Variants in ZNF778 observed in about 807,000 individuals in gnomAD.
The protein encoded by ZNF778 is zinc finger protein 778.
A neutral mutation model predicts 23.9 loss-of-function variants in ZNF778; 37 were observed. That is an observed-to-expected ratio of 1.54 (90% CI 1.19 to 2.03). ZNF778 has a LOEUF of 2.03. ZNF778 is among the 30% of genes most tolerant of loss of function. The probability of loss-of-function intolerance (pLI) is 0.00; values close to 1 mark genes in which losing one functional copy is unlikely to be tolerated. For missense variants in ZNF778, 1,297 were observed against 934.4 expected (o/e 1.39, Z -5.06); for synonymous variants, 483 against 343.9 (o/e 1.40, Z -4.48).
Position 89,227,122 on chromosome 16 carries a change from G to A in ZNF778, c.834G>A (p.Arg278=). Reference sequence around the variant, plus strand: ...CACCTGTTGAAATGCATGCCGTCAGGAATCCCCACGTATGTAGGGAATGTG... The same window carrying A: ...CACCTGTTGAAATGCATGCCGTCAGAAATCCCCACGTATGTAGGGAATGTG... The part of the protein sequence containing the change: ...CATPVEMHAV[R]NPHVCRECGK... The change falls in exon 7 of 7, where the codon AGG becomes AGA. Residue 278 remains arginine (R), a synonymous_variant. Coordinates refer to ENST00000433976, the MANE Select transcript of ZNF778 (RefSeq NM_001201407.2). 6.2e-7 allele frequency: 1 copy of A among 1,614,030 alleles called. No homozygotes were observed. The highest frequency in any genetic ancestry group is 8.5e-7 in the Non-Finnish European group (1 of 1,179,904).
intron 4 of ZNF778, among the ~76,000 whole-genome samples, chr16:89,224,354 C>T (rs532833029): frequency 6.6e-6 from 1 of 152,334 alleles, no homozygotes; most frequent in African/African-American, 2.4e-5. Context: ...CGCAGTGGCT[C>T]ATGCCTGTAA....
rs749432763 is a variant in ZNF778 at position 89,227,699 on chromosome 16, C to T, written c.1411C>T (p.His471Tyr). ...SSGLTEHVRT[H>Y]TGEKPYECKD... ...GGGCCTTACTGAGCATGTAAGGACT[C>T]ACACTGGAGAGAAACCATATGAATG... is the stretch of plus-strand genomic sequence containing the variant. The change falls in exon 7 of 7, where the codon CAC becomes TAC. Residue 471 changes from histidine (H) to tyrosine (Y), a missense_variant. Physicochemically the swap from His to Tyr is moderately conservative, Grantham distance 83. Coordinates refer to ENST00000433976, the MANE Select transcript of ZNF778 (RefSeq NM_001201407.2). The T allele has an allele frequency of 5.0e-6, 8 of 1,614,072 alleles. No homozygotes were observed. Among genetic ancestry groups the T allele is most frequent in the African/African-American group, 2.7e-5 (2 of 74,918 alleles).
At chr16:89,224,027 G>T (rs1402753622) in intron 4 of ZNF778, among the ~76,000 whole-genome samples, 1 of 151,980 alleles carries the variant, frequency 6.6e-6, no homozygotes, top group Non-Finnish European at 1.5e-5. Context: ...CAGCACTCTG[G>T]GAGGCCAGGC....
Position 89,227,361 on chromosome 16 carries a change from C to T in ZNF778, c.1073C>T (p.Thr358Ile), listed in dbSNP as rs146045503. The T allele has an allele frequency of 6.2e-7, 1 of 1,613,968 alleles. No individual in the cohort carries two copies. Among genetic ancestry groups the T allele is most frequent in the East Asian group, 2.2e-5 (1 of 44,888 alleles). Reference protein sequence around the residue: ...GLSGLSKHVQTDPGQKPYECK... With the variant: ...GLSGLSKHVQIDPGQKPYECK... ...TCAGGTCTTTCTAAACACGTCCAAACAGACCCTGGACAGAAGCCCTATGAA... is the reference window on the plus strand; with the variant it reads ...TCAGGTCTTTCTAAACACGTCCAAATAGACCCTGGACAGAAGCCCTATGAA... The change falls in exon 7 of 7, where the codon ACA becomes ATA. Residue 358 changes from threonine to isoleucine, a missense_variant. Transcript: ENST00000433976.
rs929201117 is a variant in ZNF778, at chr16:89,235,720, C to T, written c.*7158C>T. ...ATACCAAATGGCTAACATTCATGAC[C>T]TCAGTATCCTGGAAGAAAAGGAGAA... On this transcript the variant is annotated 3_prime_UTR_variant, in exon 7 of 7. Transcript: ENST00000433976. The T allele has an allele frequency of 2.0e-5, 3 of 152,150 alleles. No homozygotes were observed. In the South Asian group the frequency reaches 6.2e-4, roughly 31 times the overall value. 9.4% of individuals were successfully genotyped at this position (152,150 alleles called of 1,614,324 possible).
intron 4 of ZNF778, 117 bp downstream of exon 4, chr16:89,223,400 A>C (rs144657005): frequency 2.5e-5 from 36 of 1,414,008 alleles, no homozygotes; most frequent in South Asian, 1.7e-4. Flanking sequence ...AGATATAACA[A>C]CTGTGCTAGT....
At chr16:89,224,602 G>A (rs972802344) in intron 4 of ZNF778, 117 bp from the exon 5 acceptor site, 1 of 727,022 alleles carries the variant, frequency 1.4e-6, no homozygotes. Context: ...CTGGGCAACA[G>A]CGCGAGACGC....
In ZNF778 at chr16:89,227,279, C is replaced by T; in HGVS notation, c.991C>T (p.His331Tyr). The T allele has an allele frequency of 6.2e-7, 1 of 1,613,960 alleles. No homozygotes were observed. Residue 331 changes from histidine (H) to tyrosine (Y), a missense_variant, in exon 7 of 7, where the codon CAT (histidine) becomes TAT (tyrosine). His to Tyr is a moderately conservative substitution (Grantham distance 83, BLOSUM62 2). Transcript: ENST00000433976. ...SSSLTQHVRI[H>Y]AAEKPCECKE... Reference sequence around the variant, plus strand: ...CAGCCTAACTCAACATGTAAGAATTCATGCTGCAGAGAAACCCTGTGAATG... The same window carrying T: ...CAGCCTAACTCAACATGTAAGAATTTATGCTGCAGAGAAACCCTGTGAATG...
At position 89,225,943 on chromosome 16, in the gene ZNF778, C is replaced by G. The variant is rs539749334; in HGVS notation, c.405+312C>G. On this transcript the variant is annotated intron_variant, in intron 6 of 6. Coordinates refer to ENST00000433976, the MANE Select transcript of ZNF778 (RefSeq NM_001201407.2). ...TTTTTTTTTTTTTGAGATGAAGTCT[C>G]ACTCCATCACCAGGCTGGAGCGCAG... 1.2e-3 allele frequency among the ~76,000 whole-genome samples: 178 copies of G among 148,358 alleles called. 1 individual carries two copies. The highest frequency in any genetic ancestry group is 4.2e-3 in the African/African-American group (172 of 40,476).
Position 89,222,198 on chromosome 16 carries a change from T to G in ZNF778, c.117+15T>G. ...ATTGTTACCAGGTATGCCAAAACTGTATTTTTTCTTAAAATAACATACTGG... is the reference window on the plus strand; with the variant it reads ...ATTGTTACCAGGTATGCCAAAACTGGATTTTTTCTTAAAATAACATACTGG... On this transcript the variant is annotated intron_variant, in intron 3 of 6. Transcript: ENST00000433976. 1.3e-6 allele frequency: 2 copies of G among 1,581,786 alleles called. No homozygotes were observed. Among genetic ancestry groups the G allele is most frequent in the Non-Finnish European group, 1.7e-6 (2 of 1,158,984 alleles).
In ZNF778 at chr16:89,230,046, T is replaced by C. The variant is rs540042494; in HGVS notation, c.*1484T>C. ...AGTCTTAAGTATCCAGATGGGATCC[T>C]GTATGAGCAGCGTAGGCTCTGGTTG... On this transcript the variant is annotated 3_prime_UTR_variant, in exon 7 of 7. Transcript: ENST00000433976. 8.2e-6 allele frequency: 8 copies of C among 978,202 alleles called. No individual in the cohort carries two copies. The South Asian group carries it at 3.3e-4, about 41-fold the overall frequency. 60.6% of individuals were successfully genotyped at this position (978,202 alleles called of 1,614,324 possible).
chr16:89,229,472 G>C lies in ZNF778; in HGVS notation c.*910G>C, dbSNP rs1240668753. 1.0e-6 allele frequency: 1 copy of C among 979,610 alleles called. No homozygotes were observed. The highest frequency in any genetic ancestry group is 1.8e-5 in the African/African-American group (1 of 54,652). 60.7% of individuals were successfully genotyped at this position (979,610 alleles called of 1,614,324 possible). A position where few individuals can be genotyped will look rare whatever the true frequency, so the allele number is the denominator to read the frequency against. ...ATGCAGATGTGATTCTGTGTGAGCA[G>C]CGTAGGCTCTGGTTGGTTAGTCTTG... On this transcript the variant is annotated 3_prime_UTR_variant, in exon 7 of 7. Coordinates refer to ENST00000433976, the MANE Select transcript of ZNF778 (RefSeq NM_001201407.2).
Position 89,233,003 on chromosome 16 carries a change from C to A in ZNF778, c.*4441C>A, listed in dbSNP as rs914126809. On this transcript the variant is annotated 3_prime_UTR_variant, in exon 7 of 7. Coordinates refer to ENST00000433976, the MANE Select transcript of ZNF778 (RefSeq NM_001201407.2). ...CTCGCTCTGCGTATGCAACCCAGCT[C>A]GCTCTGCGTATGCAACTCAAGTCGC... 7.9e-7 allele frequency: 1 copy of A among 1,266,854 alleles called. No individual in the cohort carries two copies. 78.5% of individuals were successfully genotyped at this position (1,266,854 alleles called of 1,614,324 possible).
chr16:89,234,302 C>T lies in ZNF778; in HGVS notation c.*5740C>T, dbSNP rs2032172585. 3.0e-6 allele frequency: 1 copy of T among 338,776 alleles called. No homozygotes were observed. The highest frequency in any genetic ancestry group is 4.2e-5 in the Admixed American group (1 of 23,940). 21.0% of individuals were successfully genotyped at this position (338,776 alleles called of 1,614,324 possible). A position where few individuals can be genotyped will look rare whatever the true frequency, so the allele number is the denominator to read the frequency against. On this transcript the variant is annotated 3_prime_UTR_variant, in exon 7 of 7. Coordinates refer to ENST00000433976, the MANE Select transcript of ZNF778 (RefSeq NM_001201407.2). ...CTATCTGTAGGAACTGCCATGTTGACTCCTGGGCAGTTTTATTCTTTCTCT... is the reference window on the plus strand; with the variant it reads ...CTATCTGTAGGAACTGCCATGTTGATTCCTGGGCAGTTTTATTCTTTCTCT...
chr16:89,232,897 CGT>C lies in ZNF778; in HGVS notation c.*4336_*4337del. ...TGCGTATGCAACTCAACTCGCACTG[CGT>C]ATGCAACTCAACTCGCACTGCGTAT... On this transcript the variant is annotated 3_prime_UTR_variant, in exon 7 of 7. Transcript: ENST00000433976. 7.8e-7 allele frequency: 1 copy of C among 1,279,688 alleles called. No individual in the cohort carries two copies. Among genetic ancestry groups the C allele is most frequent in the South Asian group, 1.3e-5 (1 of 78,132 alleles). 79.3% of individuals were successfully genotyped at this position (1,279,688 alleles called of 1,614,324 possible).
Position 89,234,304 on chromosome 16 carries a change from C to G in ZNF778, c.*5742C>G, listed in dbSNP as rs76092138. On this transcript the variant is annotated 3_prime_UTR_variant, in exon 7 of 7. Transcript: ENST00000433976. ...ATCTGTAGGAACTGCCATGTTGACT[C>G]CTGGGCAGTTTTATTCTTTCTCTCT... The G allele has an allele frequency of 7.3e-3, 2,458 of 338,432 alleles. 58 individuals are homozygous for G. The highest frequency in any genetic ancestry group is 0.05 in the African/African-American group (2,319 of 46,666). 21.0% of individuals were successfully genotyped at this position (338,432 alleles called of 1,614,324 possible).
In ZNF778 at chr16:89,221,098, G is replaced by T; in HGVS notation, c.-30G>T. ...CAGTGGCCTTGGCTTCAGGAAAGGA[G>T]CATTCAGACGCTTCCGTCAGCCTCC... On this transcript the variant is annotated 5_prime_UTR_variant, in exon 2 of 7. Coordinates refer to ENST00000433976, the MANE Select transcript of ZNF778 (RefSeq NM_001201407.2). 1 of 1,562,838 alleles carries T rather than the reference G, an allele frequency of 6.4e-7. No individual in the cohort carries two copies. Among genetic ancestry groups the T allele is most frequent in the Non-Finnish European group, 8.7e-7 (1 of 1,153,236 alleles).
In ZNF778 at chr16:89,222,105, T is replaced by C. The variant is rs1345639154; in HGVS notation, c.39T>C (p.Ser13=). 2.5e-6 allele frequency: 4 copies of C among 1,599,120 alleles called. No homozygotes were observed. Among genetic ancestry groups the C allele is most frequent in the Non-Finnish European group, 3.4e-6 (4 of 1,170,924 alleles). ...TTTGTTTTTTAGGAGGTCATGTTTC[T>C]AGGGACTCAGTCTGCCTTCATGAAG... ...APDLAHGGHV[S]RDSVCLHEEQ... Residue 13 remains serine, a synonymous_variant, in exon 3 of 7, where the codon TCT becomes TCC. Transcript: ENST00000433976.
At position 89,232,511 on chromosome 16, in the gene ZNF778, TC is replaced by T. The variant is rs774395899; in HGVS notation, c.*3951del. 5.8e-5 allele frequency: 38 copies of T among 655,590 alleles called. No individual in the cohort carries two copies. The highest frequency in any genetic ancestry group is 8.1e-5 in the Non-Finnish European group (37 of 458,004). The allele number at this position is 655,590 out of a possible 1,614,324, so 40.6% of individuals were successfully genotyped here. On this transcript the variant is annotated 3_prime_UTR_variant, in exon 7 of 7. Coordinates refer to ENST00000433976, the MANE Select transcript of ZNF778 (RefSeq NM_001201407.2). ...GTTAGGCAGATACCTGTATTTCTCTTCCTAACTCTCAGAACGTGTTCTGTGT... is the reference window on the plus strand; with the variant it reads ...GTTAGGCAGATACCTGTATTTCTCTTCTAACTCTCAGAACGTGTTCTGTGT...
Sources: gnomAD v4.1 joint callset for allele counts (sites outside exome capture counted in the v4.1 genomes callset) on GRCh38, gnomAD v4.1.1 for gene constraint, MANE v1.5 for transcripts, NCBI Gene and HGNC (gene_info 2026-07-23, HGNC 2026-07-21) for gene names.